FNDC3B: variants seen among roughly 807,000 people sequenced by gnomAD.
The protein encoded by FNDC3B is fibronectin type III domain-containing protein 3B.
Under a neutral mutation model 151.5 loss-of-function variants are expected in FNDC3B, and 12 were observed. The observed-to-expected ratio is 0.08, with a 90% confidence interval of 0.05 to 0.13. FNDC3B has a LOEUF of 0.13. Ranked by LOEUF, FNDC3B falls within the 10% of genes least tolerant of loss-of-function variation. The pLI is 1.00. For synonymous variants in FNDC3B, 528 were observed against 549.0 expected (o/e 0.96, Z 0.54); for missense variants, 1,214 against 1,505.3 (o/e 0.81, Z 3.20).
chr3:172,243,266 T>C (rs1023856700), intron 4 of FNDC3B, among the ~76,000 whole-genome samples: 1 of 152,198 alleles, frequency 6.6e-6, no homozygotes, highest in Non-Finnish European at 1.5e-5. Context: ...TGCTTCCACA[T>C]TTTCGGGTAA....
intron 3 of FNDC3B, among the ~76,000 whole-genome samples, chr3:172,151,895 T>A (rs781196495): frequency 7.3e-4 from 111 of 152,238 alleles, no homozygotes; most frequent in Middle Eastern, 3.4e-3. Flanking sequence ...GTGGATGACG[T>A]TATGTGAGGG....
At chr3:172,376,904 A>T (rs529309250) in intron 23 of FNDC3B, among the ~76,000 whole-genome samples, 1 of 152,138 alleles carries the variant, frequency 6.6e-6, no homozygotes, top group South Asian at 2.1e-4. Context: ...AATGTTTTAG[A>T]TCTGTATCTC....
chr3:172,090,881 A>G (rs917290004), intron 1 of FNDC3B, among the ~76,000 whole-genome samples: 10 of 152,184 alleles, frequency 6.6e-5, no homozygotes, highest in African/African-American at 1.9e-4. Flanking sequence ...TTATGTGTAT[A>G]AGGGTGTATG....
intron 3 of FNDC3B, chr3:172,225,498 G>T: frequency 4.5e-6 from 1 of 222,232 alleles, no homozygotes; most frequent in East Asian, 1.1e-4. Context: ...AATTGTTTGT[G>T]GCTGGCCATA....
intron 9 of FNDC3B, 126 bp from the exon 10 acceptor site, chr3:172,307,237 A>G: frequency 1.1e-6 from 1 of 951,822 alleles, no homozygotes; most frequent in Non-Finnish European, 1.6e-6. Flanking sequence ...GATAAGAGCA[A>G]GAGCATGATA....
chr3:172,167,370 TG>T (rs1167839821), intron 3 of FNDC3B, among the ~76,000 whole-genome samples: 1 of 152,190 alleles, frequency 6.6e-6, no homozygotes, highest in Non-Finnish European at 1.5e-5. Flanking sequence ...CGCTCCAGCC[TG>T]GGCAATAAAA....
Position 172,352,084 on chromosome 3 carries a change from A to G in FNDC3B, c.2515-719A>G, listed in dbSNP as rs761225712. On this transcript the variant is annotated intron_variant, in intron 21 of 25. Coordinates refer to ENST00000415807, the MANE Select transcript of FNDC3B (RefSeq NM_022763.4). The surrounding 1 kb of genome is among the most constrained non-coding windows in gnomAD (Gnocchi z 4.2). ...GAAAAGAGGAGGTACCGAAGTACTG[A>G]GGGCTGATACTCACCAGCGTTAAGA... 1.2e-3 allele frequency among the ~76,000 whole-genome samples: 176 copies of G among 152,288 alleles called. No individual in the cohort carries two copies. Among genetic ancestry groups the G allele is most frequent in the Non-Finnish European group, 1.3e-3 (87 of 68,030 alleles).
At chr3:172,106,668 GC>G (rs1176477560) in intron 1 of FNDC3B, among the ~76,000 whole-genome samples, 4 of 152,170 alleles carry the variant, frequency 2.6e-5, no homozygotes, top group Non-Finnish European at 5.9e-5. Flanking sequence ...AGTGATTAGG[GC>G]TTTGGCTTTA....
intron 6 of FNDC3B, among the ~76,000 whole-genome samples, chr3:172,257,953 C>T (rs372541986): frequency 1.3e-3 from 197 of 152,170 alleles, no homozygotes; most frequent in African/African-American, 4.0e-3. Context: ...GGTGGGAAAG[C>T]GGCGGGTGGG....
chr3:172,108,687 AT>A (rs930633557), intron 1 of FNDC3B, among the ~76,000 whole-genome samples: 6 of 152,218 alleles, frequency 3.9e-5, no homozygotes, highest in Non-Finnish European at 8.8e-5. Flanking sequence ...TGGTTTTGCA[AT>A]GTGGTTTCCC....
chr3:172,048,382 CATG>C (rs1180850357), intron 1 of FNDC3B, among the ~76,000 whole-genome samples: 1 of 151,988 alleles, frequency 6.6e-6, no homozygotes, highest in Non-Finnish European at 1.5e-5. Flanking sequence ...ATTTTTCGAT[CATG>C]GTTTTTTTAA....
At chr3:172,069,611 AC>A (rs541729565) in intron 1 of FNDC3B, among the ~76,000 whole-genome samples, 127 of 152,240 alleles carry the variant, frequency 8.3e-4, no homozygotes, top group African/African-American at 3.1e-3. Context: ...TACTCTCCAG[AC>A]TGCTGTGCTG....
chr3:172,169,165 C>T lies in FNDC3B; in HGVS notation c.187+35619C>T, dbSNP rs180948550. Among the ~76,000 whole-genome samples, 19 of 152,240 alleles carry T rather than the reference C, an allele frequency of 1.2e-4. No individual in the cohort carries two copies. In the East Asian group the frequency reaches 3.5e-3, roughly 28 times the overall value. On this transcript the variant is annotated intron_variant, in intron 3 of 25. Transcript: ENST00000415807. ...TTGAGGTTCTTCACCAGCAAGCCCA[C>T]GTCAGCACTCGGTCATGTCTGTCCA...
chr3:172,316,000 C>CTTTTTTTTTTTTTTT (rs555242809), intron 11 of FNDC3B, among the ~76,000 whole-genome samples: 5 of 79,878 alleles, frequency 6.3e-5, no homozygotes, highest in Non-Finnish European at 1.3e-4. Context: ...CTTTCTTCTT[C>CTTTTTTTTTTTTTTT]TTTTTTTTTT....
At chr3:172,141,121 T>G (rs1193723378) in intron 3 of FNDC3B, among the ~76,000 whole-genome samples, 1 of 146,598 alleles carries the variant, frequency 6.8e-6, no homozygotes, top group Non-Finnish European at 1.5e-5. Context: ...ATTATCTAGT[T>G]GTATACACAG....
intron 1 of FNDC3B, among the ~76,000 whole-genome samples, chr3:172,100,107 A>G (rs1247776422): frequency 6.6e-6 from 1 of 152,252 alleles, no homozygotes; most frequent in South Asian, 2.1e-4. Context: ...ATTGGAGAAC[A>G]TGCCTTTTAT....
intron 6 of FNDC3B, among the ~76,000 whole-genome samples, chr3:172,264,394 C>T (rs1034075737): frequency 6.6e-6 from 1 of 152,126 alleles, no homozygotes; most frequent in Non-Finnish European, 1.5e-5. Context: ...TAAATCTTAG[C>T]CTTTATAGTT....
intron 7 of FNDC3B, among the ~76,000 whole-genome samples, chr3:172,289,748 C>T (rs1315467486): frequency 6.6e-6 from 1 of 152,180 alleles, no homozygotes; most frequent in Non-Finnish European, 1.5e-5. Context: ...TGACCAGCCT[C>T]AGGATGTGCC....
chr3:172,119,435 G>T (rs1408935365), intron 2 of FNDC3B, among the ~76,000 whole-genome samples: 1 of 151,750 alleles, frequency 6.6e-6, no homozygotes, highest in Non-Finnish European at 1.5e-5. Context: ...ACAGGAGAGT[G>T]CTTGGATTGC....
Sources: allele counts gnomAD v4.1 joint callset (sites outside exome capture counted in the v4.1 genomes callset), GRCh38; gene constraint gnomAD v4.1.1; non-coding constraint Gnocchi (gnomAD v3.1); transcripts MANE v1.5; gene names NCBI Gene and HGNC (gene_info 2026-07-23, HGNC 2026-07-21).